HSF5: variants seen among roughly 807,000 people sequenced by gnomAD.
HSF5 encodes the protein heat shock factor protein 5.
HSF5 carries 5 observed loss-of-function variants against 50.8 expected under a neutral mutation model. The observed-to-expected ratio is 0.10, with a 90% CI of 0.05 to 0.21. HSF5 has a LOEUF of 0.21. Ranked by LOEUF, HSF5 falls within the 10% of genes least tolerant of loss-of-function variation. The probability of loss-of-function intolerance (pLI) is 1.00; values close to 1 mark genes in which losing one functional copy is unlikely to be tolerated. For synonymous variants in HSF5, 307 were observed against 307.4 expected (o/e 1.00, Z 0.02); for missense variants, 564 against 762.6 (o/e 0.74, Z 3.07).
intron 5 of HSF5, among the ~76,000 whole-genome samples, chr17:58,449,795 G>A (rs1209375949): frequency 1.9e-4 from 28 of 150,780 alleles, no homozygotes; most frequent in Admixed American, 7.9e-4. Context: ...AGGCCGAGGC[G>A]GGCGGATCAC....
chr17:58,466,345 C>T (rs1230595298), intron 3 of HSF5, among the ~76,000 whole-genome samples: 2 of 152,122 alleles, frequency 1.3e-5, no homozygotes, highest in Non-Finnish European at 2.9e-5. Flanking sequence ...AAGAATCTGT[C>T]ATTTGGTGAC....
intron 5 of HSF5, among the ~76,000 whole-genome samples, chr17:58,433,732 G>A (rs1416548615): frequency 5.9e-5 from 9 of 152,090 alleles, no homozygotes; most frequent in Admixed American, 5.9e-4. Context: ...TTGGCTACTG[G>A]ATTTGGCAAC....
Position 58,458,866 on chromosome 17 carries a change from T to G in HSF5, c.1622A>C (p.Glu541Ala). Residue 541 changes from glutamate (E) to alanine (A), a missense_variant, in exon 5 of 6, where the codon GAA (glutamate) becomes GCA (alanine). By Grantham distance (107) the Glu-to-Ala change is moderately radical. Coordinates refer to ENST00000323777, the MANE Select transcript of HSF5 (RefSeq NM_001080439.3). ...ACTAGGCTTGCTAGCAGGCCCCATT[T>G]CTGAAATGAGGAATCCCATCTGTTC... ...PSEQMGFLISEMGPASKPSED... is the reference protein window; with the variant it reads ...PSEQMGFLISAMGPASKPSED... 1.2e-6 allele frequency: 2 copies of G among 1,614,176 alleles called. No individual in the cohort carries two copies. The highest frequency in any genetic ancestry group is 1.7e-6 in the Non-Finnish European group (2 of 1,180,018).
At chr17:58,439,488 A>T (rs920093135) in intron 5 of HSF5, among the ~76,000 whole-genome samples, 5 of 147,142 alleles carry the variant, frequency 3.4e-5, no homozygotes, top group African/African-American at 4.9e-5. Flanking sequence ...AGAAGTTATA[A>T]TTTTTTTTTT....
Position 58,463,733 on chromosome 17 carries a change from C to T in HSF5, c.1021-430G>A, listed in dbSNP as rs557888512. Among the ~76,000 whole-genome samples the T allele has an allele frequency of 1.3e-4, 20 of 152,294 alleles. No homozygotes were observed. The East Asian group carries it at 3.3e-3, about 25-fold the overall frequency. ...CAGGATGCTCACAAGTCTACCAATC[C>T]TTCTACAGATTCAGGGAGCGGTACT... On this transcript the variant is annotated intron_variant, in intron 3 of 5. Coordinates refer to ENST00000323777, the MANE Select transcript of HSF5 (RefSeq NM_001080439.3).
chr17:58,471,767 A>G (rs753076956), intron 2 of HSF5, among the ~76,000 whole-genome samples: 1 of 151,466 alleles, frequency 6.6e-6, no homozygotes, highest in Non-Finnish European at 1.5e-5. Context: ...ATATTTTCTA[A>G]TAAAAATTAA....
rs1974813190 is a variant in HSF5, at chr17:58,462,972, G to A, written c.1352C>T (p.Ala451Val). The A allele has an allele frequency of 2.5e-6, 4 of 1,614,158 alleles. No individual in the cohort carries two copies. Among genetic ancestry groups the A allele is most frequent in the Non-Finnish European group, 3.4e-6 (4 of 1,179,984 alleles). ...SFVVGTEQAV[A>V]CSLPQSPEYI... ...CTCAGGTGACTGTGGTAGAGAGCAG[G>A]CAACTGCTTGTTCTGTTCCAACCAC... The change falls in exon 4 of 6, where the codon GCC (alanine) becomes GTC (valine). Residue 451 changes from alanine to valine, a missense_variant. Physicochemically the swap from Ala to Val is moderately conservative, Grantham distance 64 (BLOSUM62 0). Transcript: ENST00000323777.
chr17:58,442,116 A>G (rs1974506295), intron 5 of HSF5, among the ~76,000 whole-genome samples: 1 of 152,228 alleles, frequency 6.6e-6, no homozygotes, highest in African/African-American at 2.4e-5. Flanking sequence ...TTCTGTGTAT[A>G]CTAACATGGC....
At chr17:58,443,557 T>A (rs1332438821) in intron 5 of HSF5, among the ~76,000 whole-genome samples, 1 of 152,202 alleles carries the variant, frequency 6.6e-6, no homozygotes, top group Non-Finnish European at 1.5e-5. Context: ...GTCTCAAGCA[T>A]CTCTTCCTTT....
At chr17:58,428,873 G>A (rs1483074353) in intron 5 of HSF5, among the ~76,000 whole-genome samples, 5 of 152,028 alleles carry the variant, frequency 3.3e-5, no homozygotes, top group African/African-American at 7.2e-5. Context: ...CATATGACCC[G>A]GCAATTCCAC....
At chr17:58,466,754 G>A (rs1974873042) in intron 3 of HSF5, 131 bp downstream of exon 3, 1 of 634,688 alleles carries the variant, frequency 1.6e-6, no homozygotes. Context: ...TAAGAATTGA[G>A]AAAACAAAGC....
chr17:58,456,849 AT>A (rs1439411731), intron 5 of HSF5, among the ~76,000 whole-genome samples: 1 of 152,242 alleles, frequency 6.6e-6, no homozygotes, highest in African/African-American at 2.4e-5. Flanking sequence ...CTGGCCATGC[AT>A]GGTGGCTCAT....
At chr17:58,442,049 G>A (rs1014787519) in intron 5 of HSF5, among the ~76,000 whole-genome samples, 1 of 152,208 alleles carries the variant, frequency 6.6e-6, no homozygotes, top group Admixed American at 6.5e-5. Context: ...CTTTAAGCAG[G>A]ATGCCATAAT....
chr17:58,422,610 C>T (rs1279797138), intron 5 of HSF5, among the ~76,000 whole-genome samples, 180 bp from the exon 6 acceptor site: 1 of 152,070 alleles, frequency 6.6e-6, no homozygotes, highest in Non-Finnish European at 1.5e-5. Flanking sequence ...ACTGATGCAG[C>T]CCAGTTGTAA....
At chr17:58,447,449 T>C (rs1281516550) in intron 5 of HSF5, among the ~76,000 whole-genome samples, 1 of 151,974 alleles carries the variant, frequency 6.6e-6, no homozygotes, top group Non-Finnish European at 1.5e-5. Flanking sequence ...GCTTAGGGTG[T>C]GATCCAGCAT....
At chr17:58,443,418 C>T (rs1198372828) in intron 5 of HSF5, among the ~76,000 whole-genome samples, 1 of 152,074 alleles carries the variant, frequency 6.6e-6, no homozygotes, top group East Asian at 1.9e-4. Flanking sequence ...TTCTACCTAC[C>T]AACGCTCTTC....
chr17:58,436,345 CTT>C (rs35322798), intron 5 of HSF5, among the ~76,000 whole-genome samples: 19 of 145,968 alleles, frequency 1.3e-4, no homozygotes, highest in African/African-American at 1.5e-4. Context: ...AATTAAAAAA[CTT>C]TTTTTTTTTT....
At chr17:58,485,957 T>A (rs1465401825) in intron 1 of HSF5, among the ~76,000 whole-genome samples, 2 of 151,112 alleles carry the variant, frequency 1.3e-5, no homozygotes, top group African/African-American at 4.9e-5. Context: ...AAATCCTAGC[T>A]ACTCTGGAGG....
chr17:58,451,108 A>G (rs1598189277), intron 5 of HSF5, among the ~76,000 whole-genome samples: 3 of 152,314 alleles, frequency 2.0e-5, no homozygotes, highest in East Asian at 3.9e-4. Flanking sequence ...AATGATGATG[A>G]CGATAAAGGG....
Sources: gnomAD v4.1 joint callset for allele counts (sites outside exome capture counted in the v4.1 genomes callset) on GRCh38, gnomAD v4.1.1 for gene constraint, MANE v1.5 for transcripts, NCBI Gene and HGNC (gene_info 2026-07-23, HGNC 2026-07-21) for gene names.